Variants in SLC2A13 observed in about 807,000 individuals in gnomAD.
SLC2A13 encodes the protein proton myo-inositol cotransporter.
SLC2A13 carries 32 observed loss-of-function variants against 64.4 expected under a neutral mutation model. The ratio of observed to expected loss-of-function variants is 0.50; its 90% CI spans 0.37 to 0.67. The LOEUF is 0.67. SLC2A13 is among the 30% of genes least tolerant of loss of function. The pLI, the probability that SLC2A13 is intolerant of heterozygous loss-of-function variation, is 0.00. For missense variants in SLC2A13, 743 were observed against 829.2 expected (o/e 0.90, Z 1.28); for synonymous variants, 338 against 327.1 (o/e 1.03, Z -0.36).
Position 39,759,972 on chromosome 12 carries a change from C to T in SLC2A13, c.*54G>A, listed in dbSNP as rs1029189928. The stretch of plus-strand genomic sequence containing the variant: ...AGCAGGGCAGTGAAGTCACCAATTG[C>T]TGTTCTTCTCCCCCCAGTTTGTTTA... On this transcript the variant is annotated 3_prime_UTR_variant, in exon 10 of 10. Transcript: ENST00000280871. The T allele has an allele frequency of 4.3e-6, 6 of 1,389,418 alleles. No individual in the cohort carries two copies. In the African/African-American group the frequency reaches 7.1e-5, roughly 16 times the overall value. The allele number at this position is 1,389,418 out of a possible 1,614,324, so 86.1% of individuals were successfully genotyped here.
intron 3 of SLC2A13, among the ~76,000 whole-genome samples, chr12:40,023,472 G>A (rs1009821561): frequency 2.0e-5 from 3 of 152,166 alleles, no homozygotes; most frequent in East Asian, 1.9e-4. Flanking sequence ...AGAAACTAAA[G>A]AAGTCAAATA....
chr12:40,079,001 G>T (rs1031412500), intron 1 of SLC2A13, among the ~76,000 whole-genome samples: 1 of 152,002 alleles, frequency 6.6e-6, no homozygotes, highest in Non-Finnish European at 1.5e-5. Context: ...TGTCATCTCT[G>T]TGTTTATTAG....
intron 3 of SLC2A13, among the ~76,000 whole-genome samples, chr12:39,999,415 C>T (rs145389170): frequency 1.1e-3 from 167 of 152,190 alleles, no homozygotes; most frequent in African/African-American, 3.7e-3. Flanking sequence ...AATTAATACC[C>T]TGGAGAAGGA....
At chr12:39,951,422 A>G (rs1397403242) in intron 3 of SLC2A13, 57 bp from the exon 4 acceptor site, 1 of 1,360,730 alleles carries the variant, frequency 7.3e-7, no homozygotes, top group Non-Finnish European at 9.8e-7. Flanking sequence ...CTCTCATAGT[A>G]ATTATTCCCA....
At chr12:40,028,986 A>G (rs558456631) in intron 2 of SLC2A13, among the ~76,000 whole-genome samples, 1 of 152,260 alleles carries the variant, frequency 6.6e-6, no homozygotes, top group South Asian at 2.1e-4. Context: ...ATTAGTTATA[A>G]TTTTGTTGTT....
intron 7 of SLC2A13, among the ~76,000 whole-genome samples, chr12:39,815,077 G>C (rs1942303513): frequency 1.3e-5 from 2 of 151,888 alleles, no homozygotes. Context: ...CTAAGGATTA[G>C]AGAAGTAAAA....
At chr12:40,062,512 G>GA (rs1192462866) in intron 1 of SLC2A13, among the ~76,000 whole-genome samples, 2 of 151,936 alleles carry the variant, frequency 1.3e-5, no homozygotes, top group African/African-American at 4.8e-5. Flanking sequence ...GGACTATCAG[G>GA]AAAAAATAGA....
intron 6 of SLC2A13, among the ~76,000 whole-genome samples, chr12:39,837,933 C>T (rs865833070): frequency 7.3e-5 from 11 of 150,818 alleles, no homozygotes; most frequent in Admixed American, 3.3e-4. Flanking sequence ...GTCAGTGTGG[C>T]GATTCCTCAG....
intron 4 of SLC2A13, among the ~76,000 whole-genome samples, chr12:39,907,355 C>A (rs920654436): frequency 1.3e-5 from 2 of 152,002 alleles, no homozygotes; most frequent in African/African-American, 4.8e-5. Context: ...TCCTAATTTT[C>A]TCAATGAAGA....
chr12:39,890,666 AT>A (rs1382347771), intron 4 of SLC2A13, among the ~76,000 whole-genome samples: 1 of 152,144 alleles, frequency 6.6e-6, no homozygotes, highest in African/African-American at 2.4e-5. Context: ...GTATATATGT[AT>A]TGAAACATCA....
intron 7 of SLC2A13, among the ~76,000 whole-genome samples, chr12:39,784,807 C>T (rs985979455): frequency 2.6e-5 from 4 of 152,174 alleles, no homozygotes; most frequent in Admixed American, 1.3e-4. Context: ...AATGGGAGAA[C>T]ATTTTTACAG....
At chr12:39,770,799 T>C (rs1940536287) in intron 7 of SLC2A13, among the ~76,000 whole-genome samples, 1 of 152,178 alleles carries the variant, frequency 6.6e-6, no homozygotes, top group African/African-American at 2.4e-5. Context: ...CATTTTCCTC[T>C]TATCCACTTC....
At chr12:39,785,128 A>G (rs1425437576) in intron 7 of SLC2A13, among the ~76,000 whole-genome samples, 1 of 152,188 alleles carries the variant, frequency 6.6e-6, no homozygotes, top group Non-Finnish European at 1.5e-5. Flanking sequence ...CCCCAAGACC[A>G]TGGGGAAAAT....
chr12:40,034,777 G>T (rs1947952809), intron 2 of SLC2A13, among the ~76,000 whole-genome samples: 1 of 152,094 alleles, frequency 6.6e-6, no homozygotes, highest in Non-Finnish European at 1.5e-5. Flanking sequence ...AAAAGGGTTA[G>T]CAATTAGAAT....
intron 4 of SLC2A13, among the ~76,000 whole-genome samples, chr12:39,920,530 G>A (rs1945597148): frequency 1.3e-5 from 2 of 152,080 alleles, no homozygotes; most frequent in South Asian, 4.1e-4. Context: ...GTATAGTAGA[G>A]CATATCCTGG....
intron 8 of SLC2A13, 50 bp from the exon 9 acceptor site, chr12:39,764,662 T>A: frequency 6.3e-7 from 1 of 1,581,578 alleles, no homozygotes; most frequent in Non-Finnish European, 8.6e-7. Context: ...GTAAGAAATT[T>A]GAAAAATTAT....
chr12:40,015,378 G>A (rs541311653), intron 3 of SLC2A13, among the ~76,000 whole-genome samples: 1 of 152,270 alleles, frequency 6.6e-6, no homozygotes, highest in East Asian at 1.9e-4. Flanking sequence ...TTCCTTATCA[G>A]AACAAGCCTC....
intron 1 of SLC2A13, among the ~76,000 whole-genome samples, chr12:40,056,625 T>G (rs1447016860): frequency 6.6e-6 from 1 of 152,174 alleles, no homozygotes. Flanking sequence ...AACAACAGTG[T>G]GGCCTAAATC....
intron 1 of SLC2A13, among the ~76,000 whole-genome samples, chr12:40,102,936 A>G (rs1404873512): frequency 6.6e-6 from 1 of 152,200 alleles, no homozygotes; most frequent in Admixed American, 6.5e-5. Context: ...AATGCGGCCT[A>G]TTTCAAAGCC....
Sources: allele counts gnomAD v4.1 joint callset (sites outside exome capture counted in the v4.1 genomes callset), GRCh38; gene constraint gnomAD v4.1.1; transcripts MANE v1.5; gene names NCBI Gene and HGNC (gene_info 2026-07-23, HGNC 2026-07-21).